Variants in FAM47E observed in about 807,000 individuals in gnomAD.
The protein encoded by FAM47E is protein FAM47E.
Under a neutral mutation model 41.6 loss-of-function variants are expected in FAM47E, and 32 were observed. The ratio of observed to expected loss-of-function variants is 0.77; its 90% confidence interval spans 0.58 to 1.03. The LOEUF is 1.03. Among genes scored for constraint, FAM47E ranks in the 50% least tolerant of loss-of-function variants. FAM47E has a pLI of 0.00. For missense variants in FAM47E, 424 were observed against 485.4 expected, an observed-to-expected ratio of 0.87 and a Z score of 1.19; for synonymous variants, 184 against 188.7, an observed-to-expected ratio of 0.98 and a Z score of 0.20.
chr4:76,254,832 C>T (rs1002219918), intron 1 of FAM47E, among the ~76,000 whole-genome samples: 3 of 152,150 alleles, frequency 2.0e-5, no homozygotes, highest in Admixed American at 6.5e-5. Flanking sequence ...TTGGTGTTCG[C>T]TGGTTGTGTT....
At position 76,283,413 on chromosome 4, in the gene FAM47E, T is replaced by C; in HGVS notation, c.1137T>C (p.Cys379=). The change falls in exon 8 of 8, where the codon TGT becomes TGC. Residue 379 remains cysteine (C), a synonymous_variant. Transcript: ENST00000424749. ...FLENMYIGKE[C]KRACNKTPIK... Reference sequence around the variant, plus strand: ...AGAATATGTATATCGGGAAGGAATGTAAACGTGCATGTAATAAGACTCCTA... The same window carrying C: ...AGAATATGTATATCGGGAAGGAATGCAAACGTGCATGTAATAAGACTCCTA... 7.7e-6 allele frequency: 12 copies of C among 1,548,410 alleles called. No individual in the cohort carries two copies. The highest frequency in any genetic ancestry group is 1.0e-5 in the Non-Finnish European group (12 of 1,144,130).
intron 3 of FAM47E, among the ~76,000 whole-genome samples, chr4:76,266,791 A>G (rs566028384): frequency 3.2e-4 from 48 of 152,230 alleles, no homozygotes; most frequent in African/African-American, 1.1e-3. Flanking sequence ...CTCATCCTCT[A>G]CTATTCTACT....
chr4:76,241,671 G>A (rs2904216), intron 2 of FAM47E, among the ~76,000 whole-genome samples: 113,866 of 152,064 alleles, frequency 0.75, 43,207 homozygotes, highest in East Asian at 0.82. Flanking sequence ...TAAAATAGTT[G>A]TGTCAGACAG....
At chr4:76,276,251 GAGAC>G (rs1199284118) in intron 5 of FAM47E, among the ~76,000 whole-genome samples, 2 of 152,186 alleles carry the variant, frequency 1.3e-5, no homozygotes, top group Non-Finnish European at 2.9e-5. Context: ...AACAAGAAGA[GAGAC>G]AGACAAACGA....
At chr4:76,274,894 C>A (rs958122221) in intron 5 of FAM47E, among the ~76,000 whole-genome samples, 2 of 152,262 alleles carry the variant, frequency 1.3e-5, no homozygotes, top group African/African-American at 4.8e-5. Context: ...CTGCCTTGAT[C>A]TGTCTGGACT....
upstream of FAM47E, among the ~76,000 whole-genome samples, chr4:76,247,912 T>TTTTC (rs1733864034): frequency 1.0e-5 from 1 of 95,672 alleles, no homozygotes; most frequent in East Asian, 2.3e-4. Flanking sequence ...CTCTCTCTCT[T>TTTTC]TTTTTTTTTT....
rs774362095 is a variant in FAM47E, at chr4:76,256,355, A to G, written c.252A>G (p.Gln84=). The G allele has an allele frequency of 1.5e-5, 24 of 1,551,578 alleles. No individual in the cohort carries two copies. The highest frequency in any genetic ancestry group is 1.7e-4 in the Middle Eastern group (1 of 6,014). ...CCCAGATTTATCACAGAGCTCCCCA[A>G]CTGGCCCCAAAGAAGAGGCAGATCA... The part of the protein sequence containing the change: ...FLPQIYHRAP[Q]LAPKKRQIKL... The change falls in exon 2 of 8, where the codon CAA becomes CAG. Residue 84 remains glutamine, a synonymous_variant. Coordinates refer to ENST00000424749, the MANE Select transcript of FAM47E (RefSeq NM_001136570.3).
chr4:76,276,384 A>T (rs28592037), intron 5 of FAM47E, among the ~76,000 whole-genome samples: 127,133 of 151,156 alleles, frequency 0.84, 53,675 homozygotes, highest in Middle Eastern at 0.9. Flanking sequence ...TTTTTTGTTT[A>T]TTTGGGGAGA....
chr4:76,216,294 A>G (rs1733206354), intron 1 of FAM47E, among the ~76,000 whole-genome samples: 1 of 152,038 alleles, frequency 6.6e-6, no homozygotes, highest in Non-Finnish European at 1.5e-5. Flanking sequence ...TGTCATCTAT[A>G]TGTCCTCTCC....
At chr4:76,245,132 G>T (rs576276991) in intron 2 of FAM47E, among the ~76,000 whole-genome samples, 2 of 151,660 alleles carry the variant, frequency 1.3e-5, no homozygotes, top group Non-Finnish European at 2.9e-5. Context: ...ATCCTCATAC[G>T]TCTTGCCTTG....
chr4:76,231,529 A>C (rs1733492328), intron 2 of FAM47E, among the ~76,000 whole-genome samples: 1 of 54,116 alleles, frequency 1.8e-5, no homozygotes, highest in African/African-American at 8.3e-5. Flanking sequence ...TTTTGTTAAA[A>C]ACAAACAAAC....
At chr4:76,277,528 C>T (rs1435745731) in intron 5 of FAM47E, among the ~76,000 whole-genome samples, 2 of 144,746 alleles carry the variant, frequency 1.4e-5, no homozygotes, top group Admixed American at 1.4e-4. Context: ...AAGGCAAAAG[C>T]TTGGTGTTAG....
In FAM47E at chr4:76,256,358, G is replaced by T; in HGVS notation, c.255G>T (p.Leu85=). ...LPQIYHRAPQ[L]APKKRQIKLL... is the part of the protein sequence containing the mutation. Reference sequence around the variant, plus strand: ...AGATTTATCACAGAGCTCCCCAACTGGCCCCAAAGAAGAGGCAGATCAAGC... The same window carrying T: ...AGATTTATCACAGAGCTCCCCAACTTGCCCCAAAGAAGAGGCAGATCAAGC... The change falls in exon 2 of 8, where the codon CTG becomes CTT. Residue 85 remains leucine (L), a synonymous_variant. Transcript: ENST00000424749. 1 of 1,551,730 alleles carries T rather than the reference G, an allele frequency of 6.4e-7. No individual in the cohort carries two copies. Among genetic ancestry groups the T allele is most frequent in the Non-Finnish European group, 8.7e-7 (1 of 1,147,044 alleles).
chr4:76,281,975 G>A (rs960639491), intron 7 of FAM47E: 2 of 152,160 alleles, frequency 1.3e-5, no homozygotes, highest in African/African-American at 2.4e-5. Context: ...GTTAGTGAGA[G>A]ATTTAGGGTC....
chr4:76,280,076 G>A (rs1735281386), intron 6 of FAM47E, 188 bp from the exon 7 acceptor site: 2 of 452,104 alleles, frequency 4.4e-6, no homozygotes, highest in Non-Finnish European at 7.9e-6. Context: ...GGGAAGGAGA[G>A]AAAGCTGGAC....
At position 76,226,174 on chromosome 4, in the gene FAM47E, A is replaced by G. The variant is rs139415795; in HGVS notation, c.81+8486A>G. On this transcript the variant is annotated intron_variant, in intron 2 of 7. Coordinates refer to the FAM47E transcript ENST00000510197. ...GTGGGTCCAGGGAGCCAACGCTAGT[A>G]TGGAGGCTGCGAAGGCCCTGAGCTC... 1.3e-3 allele frequency among the ~76,000 whole-genome samples: 192 copies of G among 152,272 alleles called. 2 individuals are homozygous for G. The highest frequency in any genetic ancestry group is 4.3e-3 in the African/African-American group (178 of 41,562).
Position 76,268,702 on chromosome 4 carries a change from T to C in FAM47E, c.603T>C (p.Tyr201=), listed in dbSNP as rs1191353676. ...TSVSNAGQWL[Y]EEKPHKMDLL... is the part of the protein sequence containing the mutation. ...TGTCAAACGCAGGCCAATGGCTTTA[T>C]GAAGAAAAGCCACATAAAATGGATT... is the stretch of plus-strand genomic sequence containing the variant. The change falls in exon 4 of 8, where the codon TAT becomes TAC. Residue 201 remains tyrosine (Y), a synonymous_variant. Transcript: ENST00000424749. 1 of 1,551,546 alleles carries C rather than the reference T, an allele frequency of 6.4e-7. No individual in the cohort carries two copies. The highest frequency in any genetic ancestry group is 2.0e-5 in the Admixed American group (1 of 50,980).
intron 2 of FAM47E, among the ~76,000 whole-genome samples, chr4:76,223,273 C>T (rs1172940914): frequency 6.6e-6 from 1 of 152,156 alleles, no homozygotes; most frequent in African/African-American, 2.4e-5. Context: ...AGTGCTTGGC[C>T]TGTGAAAGGC....
intron 2 of FAM47E, among the ~76,000 whole-genome samples, chr4:76,240,327 T>C (rs1464364495): frequency 1.3e-5 from 2 of 152,200 alleles, no homozygotes; most frequent in African/African-American, 4.8e-5. Flanking sequence ...TTTCAAAATT[T>C]TCTGTCTCCA....
Sources: allele counts gnomAD v4.1 joint callset (sites outside exome capture counted in the v4.1 genomes callset), GRCh38; gene constraint gnomAD v4.1.1; transcripts MANE v1.5; gene names NCBI Gene and HGNC (gene_info 2026-07-23, HGNC 2026-07-21).